SLC4A11: variants seen among roughly 807,000 people sequenced by gnomAD.
The protein encoded by SLC4A11 is solute carrier family 4 member 11.
In SLC4A11, 74 loss-of-function variants were observed where a neutral mutation model predicts 95.0. The ratio of observed to expected loss-of-function variants is 0.78; its 90% CI spans 0.65 to 0.95. SLC4A11 has a LOEUF of 0.95. SLC4A11 is among the 40% of genes least tolerant of loss of function. SLC4A11 has a pLI of 0.00. For missense variants in SLC4A11, 1,081 were observed against 1,192.4 expected, an observed-to-expected ratio of 0.91 and a Z score of 1.38; for synonymous variants, 548 against 519.0, an observed-to-expected ratio of 1.06 and a Z score of -0.76.
In SLC4A11 at chr20:3,230,194, C is replaced by T. The variant is rs139907702; in HGVS notation, c.1482G>A (p.Thr494=). ...ITFVLDAVKG[T]VKIFWKYYYG... is the part of the protein sequence containing the mutation. Reference sequence around the variant, plus strand: ...GCCCCCAGCCGCACTCACTTTTAACCGTGCCCTTGACGGCATCCAGCACAA... The same window carrying T: ...GCCCCCAGCCGCACTCACTTTTAACTGTGCCCTTGACGGCATCCAGCACAA... The change falls in exon 13 of 20, where the codon ACG becomes ACA. Residue 494 remains threonine, a synonymous_variant. Transcript: ENST00000642402. 48 of 1,613,416 alleles carry T rather than the reference C, an allele frequency of 3.0e-5. No homozygotes were observed. In the East Asian group the frequency reaches 3.3e-4, roughly 11 times the overall value.
At position 3,234,967 on chromosome 20, in the gene SLC4A11, G is replaced by A. The variant is rs1356625352; in HGVS notation, c.89-73C>T. On this transcript the variant is annotated intron_variant, in intron 2 of 19. Coordinates refer to ENST00000642402, the MANE Select transcript of SLC4A11 (RefSeq NM_001174089.2). The surrounding 1 kb of genome is among the most constrained non-coding windows in gnomAD (Gnocchi z 5.8). Reference sequence around the variant, plus strand: ...ACAGGAAGGAGGGGCTCCAAGCCCAGGGAGCAGGGACCCCTGGACTGTCCC... The same window carrying A: ...ACAGGAAGGAGGGGCTCCAAGCCCAAGGAGCAGGGACCCCTGGACTGTCCC... The A allele has an allele frequency of 1.3e-6, 2 of 1,590,118 alleles. No individual in the cohort carries two copies. Among genetic ancestry groups the A allele is most frequent in the Admixed American group, 1.7e-5 (1 of 59,906 alleles).
chr20:3,233,787 C>A, intron 6 of SLC4A11, 134 bp downstream of exon 6: 1 of 1,511,512 alleles, frequency 6.6e-7, no homozygotes, highest in Non-Finnish European at 9.1e-7. Context: ...GTGCTCCAGC[C>A]CTCTTCTCCC....
chr20:3,238,196 A>T, intron 1 of SLC4A11: 1 of 1,408,994 alleles, frequency 7.1e-7, no homozygotes. Flanking sequence ...AGGGAGAACA[A>T]TTGGGGGTGG....
chr20:3,239,471 G>A (rs2068087445), upstream of SLC4A11: 1 of 1,025,800 alleles, frequency 9.7e-7, no homozygotes, highest in Non-Finnish European at 1.2e-6. Flanking sequence ...AGCGTCGCGA[G>A]TTTAGGGGCT....
chr20:3,233,061 C>T (rs1178246549), intron 7 of SLC4A11, among the ~76,000 whole-genome samples: 1 of 152,208 alleles, frequency 6.6e-6, no homozygotes, highest in African/African-American at 2.4e-5. Context: ...GGGAGGGGTC[C>T]TGGCAATCAT....
At chr20:3,230,041 GCCCAA>G in intron 13 of SLC4A11, 141 bp downstream of exon 13, 1 of 1,154,042 alleles carries the variant, frequency 8.7e-7, no homozygotes, top group Non-Finnish European at 1.3e-6. Flanking sequence ...CCCTCTGCCA[GCCCAA>G]GGCTCCCAGA....
chr20:3,229,309 G>T, intron 15 of SLC4A11, 37 bp downstream of exon 15: 1 of 1,613,012 alleles, frequency 6.2e-7, no homozygotes. Context: ...CGCCTGGGGA[G>T]CTACCCCACG....
chr20:3,237,535 G>A lies in SLC4A11; in HGVS notation c.88+9C>T, dbSNP rs2122649940. 6.2e-7 allele frequency: 1 copy of A among 1,613,822 alleles called. No individual in the cohort carries two copies. Among genetic ancestry groups the A allele is most frequent in the African/African-American group, 1.3e-5 (1 of 75,048 alleles). The stretch of plus-strand genomic sequence containing the variant: ...CTCTGCACACACACACTCCCCGAGA[G>A]GTACTCACTTGAATCCTCGAAGTAT... On this transcript the variant is annotated intron_variant, in intron 2 of 19. Transcript: ENST00000642402.
chr20:3,227,662 A>G lies in SLC4A11; in HGVS notation c.*125T>C, dbSNP rs534649746. 1.0e-6 allele frequency: 1 copy of G among 990,324 alleles called. No homozygotes were observed. Among genetic ancestry groups the G allele is most frequent in the African/African-American group, 1.6e-5 (1 of 62,860 alleles). 61.3% of individuals were successfully genotyped at this position (990,324 alleles called of 1,614,324 possible). A position where few individuals can be genotyped will look rare whatever the true frequency, so the allele number is the denominator to read the frequency against. ...ACAATGCCCAGATGCCCCAGGCCTG[A>G]GTCAGCCATGAGAAGGCGCAGCACA... On this transcript the variant is annotated 3_prime_UTR_variant, in exon 20 of 20. Transcript: ENST00000642402.
chr20:3,237,859 C>A, intron 1 of SLC4A11: 1 of 1,551,722 alleles, frequency 6.4e-7, no homozygotes, highest in South Asian at 1.2e-5. Flanking sequence ...AGAGACGTTC[C>A]AGGGATGTCT....
At position 3,239,157 on chromosome 20, in the gene SLC4A11, G is replaced by A. The variant is rs6115824; in HGVS notation, c.-20C>T. 4.6e-5 allele frequency: 66 copies of A among 1,449,634 alleles called. No homozygotes were observed. The highest frequency in any genetic ancestry group is 6.0e-5 in the Non-Finnish European group (66 of 1,102,806). 89.8% of individuals were successfully genotyped at this position (1,449,634 alleles called of 1,614,324 possible). A position where few individuals can be genotyped will look rare whatever the true frequency, so the allele number is the denominator to read the frequency against. On this transcript the variant is annotated 5_prime_UTR_variant, in exon 1 of 20. Transcript: ENST00000642402. Reference sequence around the variant, plus strand: ...GGCCATGGCACACTCGCGCACTCACGGCCGGGCTCCTCACGCGGCGCTCCG... The same window carrying A: ...GGCCATGGCACACTCGCGCACTCACAGCCGGGCTCCTCACGCGGCGCTCCG...
At chr20:3,235,309 T>TCTCTCACA (rs1318815472) in intron 2 of SLC4A11, among the ~76,000 whole-genome samples, 3 of 123,542 alleles carry the variant, frequency 2.4e-5, no homozygotes, top group African/African-American at 3.2e-5. Context: ...TCTCTCTCTC[T>TCTCTCACA]CACACACACA....
In SLC4A11 at chr20:3,234,473, T is replaced by C. The variant is rs376391611; in HGVS notation, c.291+95A>G. 143 of 1,565,128 alleles carry C rather than the reference T, an allele frequency of 9.1e-5. No individual in the cohort carries two copies. Among genetic ancestry groups the C allele is most frequent in the Non-Finnish European group, 1.2e-4 (136 of 1,138,916 alleles). ...CCCTGTTGAGCTGCTCCTGGAGGCATGGGAAGAGGGGAGCAGCGGGAGGAT... is the reference window on the plus strand; with the variant it reads ...CCCTGTTGAGCTGCTCCTGGAGGCACGGGAAGAGGGGAGCAGCGGGAGGAT... On this transcript the variant is annotated intron_variant, in intron 4 of 19. Transcript: ENST00000642402. This position sits in a 1 kb window ranked among gnomAD's most constrained non-coding sequence, Gnocchi z 5.8.
chr20:3,229,229 G>A lies in SLC4A11; in HGVS notation c.1884C>T (p.Pro628=). 1 of 1,612,980 alleles carries A rather than the reference G, an allele frequency of 6.2e-7. No homozygotes were observed. Among genetic ancestry groups the A allele is most frequent in the South Asian group, 1.1e-5 (1 of 91,074 alleles). The change falls in exon 16 of 20, where the codon CCC becomes CCT. Residue 628 remains proline, a synonymous_variant. Coordinates refer to ENST00000642402, the MANE Select transcript of SLC4A11 (RefSeq NM_001174089.2). The part of the protein sequence containing the change: ...SKFRYNPSES[P]FAMAQIQSLS... ...GCGACTGGATCTGCGCCATCGCAAA[G>A]GGGCTCTCGCTGGGGTTGTAGCGGA... is the stretch of plus-strand genomic sequence containing the variant.
chr20:3,238,262 T>G, intron 1 of SLC4A11: 6 of 1,266,014 alleles, frequency 4.7e-6, no homozygotes, highest in East Asian at 3.2e-5. Context: ...CCTGGGCCGG[T>G]CCCCGGATGG....
intron 2 of SLC4A11, among the ~76,000 whole-genome samples, chr20:3,236,008 G>A (rs1290862765): frequency 6.6e-6 from 1 of 152,102 alleles, no homozygotes; most frequent in Non-Finnish European, 1.5e-5. Flanking sequence ...TCACTTGTAG[G>A]TACTCCCAGG....
chr20:3,228,782 T>C (rs2122507189), intron 17 of SLC4A11, 56 bp downstream of exon 17: 1 of 1,612,996 alleles, frequency 6.2e-7, no homozygotes, highest in East Asian at 2.2e-5. Context: ...ATGTCCCATG[T>C]GGCCAGAGGC....
At chr20:3,237,969 C>T in intron 1 of SLC4A11, 4 of 1,550,240 alleles carry the variant, frequency 2.6e-6, no homozygotes, top group Non-Finnish European at 2.6e-6. Flanking sequence ...CCCGAGCGGG[C>T]CTCTCCCCCT....
chr20:3,229,154 G>T lies in SLC4A11; in HGVS notation c.1959C>A (p.Ser653=), dbSNP rs140234175. 139 of 1,609,462 alleles carry T rather than the reference G, an allele frequency of 8.6e-5. No homozygotes were observed. The Middle Eastern group carries it at 1.5e-3, about 17-fold the overall frequency. The change falls in exon 16 of 20, where the codon TCC becomes TCA. Residue 653 remains serine (S), a synonymous_variant. Transcript: ENST00000642402. Reference sequence around the variant, plus strand: ...AGTTCTGCTCGATGAAGAAGAGCATGGACAGCAGGAAGCCGAGGCCCATGG... The same window carrying T: ...AGTTCTGCTCGATGAAGAAGAGCATTGACAGCAGGAAGCCGAGGCCCATGG... ...SGAMGLGFLL[S]MLFFIEQNLV... is the part of the protein sequence containing the mutation.
Sources: gnomAD v4.1 joint callset for allele counts (sites outside exome capture counted in the v4.1 genomes callset) on GRCh38, gnomAD v4.1.1 for gene constraint, Gnocchi (gnomAD v3.1) non-coding constraint, MANE v1.5 for transcripts, NCBI Gene and HGNC (gene_info 2026-07-23, HGNC 2026-07-21) for gene names.